The following FCAMR variants were observed in gnomAD, a reference collection of about 807,000 sequenced individuals.
FCAMR encodes high affinity immunoglobulin alpha and immunoglobulin mu Fc receptor.
Under a neutral mutation model 52.2 loss-of-function variants are expected in FCAMR, and 51 were observed. The observed-to-expected ratio is 0.98, with a 90% CI of 0.78 to 1.23. The LOEUF (loss-of-function observed/expected upper bound fraction) is 1.23. Among genes scored for constraint, FCAMR ranks in the 50% most tolerant of loss-of-function variants. The probability of loss-of-function intolerance (pLI) is 0.00; values close to 1 mark genes in which losing one functional copy is unlikely to be tolerated. For synonymous variants in FCAMR, 282 were observed against 262.0 expected, an observed-to-expected ratio of 1.08 and a Z score of -0.74; for missense variants, 719 against 712.6, an observed-to-expected ratio of 1.01 and a Z score of -0.10.
Position 206,970,148 on chromosome 1 carries a change from G to A in FCAMR, c.-23C>T, listed in dbSNP as rs1167598884. 7 of 1,613,728 alleles carry A rather than the reference G, an allele frequency of 4.3e-6. No individual in the cohort carries two copies. The highest frequency in any genetic ancestry group is 3.3e-4 in the Middle Eastern group (2 of 6,058). ...CATCTCAGTCCAGAAACAAGATCCA[G>A]GTGGACTTTTCTTCTCCTTATGAGA... On this transcript the variant is annotated 5_prime_UTR_variant, in exon 1 of 8. Transcript: ENST00000324852.
intron 3 of FCAMR, 83 bp from the exon 4 acceptor site, chr1:206,965,941 A>G: frequency 6.3e-7 from 1 of 1,588,468 alleles, no homozygotes. Context: ...GCAAACAGCC[A>G]GTTCCAAACC....
chr1:206,969,863 A>T lies in FCAMR; in HGVS notation c.39+224T>A, dbSNP rs187276657. Among the ~76,000 whole-genome samples the T allele has an allele frequency of 2.0e-5, 3 of 152,326 alleles. No homozygotes were observed. In the East Asian group the frequency reaches 5.8e-4, roughly 29 times the overall value. ...ACGTTTTTTTGGTTCTAAATTACCC[A>T]GGACTTCTAAGGAACCATGCACTCT... On this transcript the variant is annotated intron_variant, in intron 1 of 7. Coordinates refer to ENST00000324852, the MANE Select transcript of FCAMR (RefSeq NM_001170631.2).
chr1:206,965,626 G>A, intron 4 of FCAMR, 89 bp downstream of exon 4: 1 of 1,420,706 alleles, frequency 7.0e-7, no homozygotes, highest in Non-Finnish European at 9.4e-7. Context: ...GGCTAGGGCT[G>A]CCTATAGCTG....
At chr1:206,963,553 C>T (rs1412432095) in intron 4 of FCAMR, among the ~76,000 whole-genome samples, 2 of 152,180 alleles carry the variant, frequency 1.3e-5, no homozygotes, top group Non-Finnish European at 2.9e-5. Flanking sequence ...CAGTCCAGTC[C>T]AGTGAAAGAT....
chr1:206,962,645 T>A (rs751009262), intron 4 of FCAMR, 94 bp from the exon 5 acceptor site: 15 of 1,088,300 alleles, frequency 1.4e-5, no homozygotes, highest in Non-Finnish European at 1.9e-5. Flanking sequence ...GAATTAGGGG[T>A]CAAGTCAGAA....
chr1:206,963,405 C>G (rs1307693052), intron 4 of FCAMR, among the ~76,000 whole-genome samples: 2 of 152,178 alleles, frequency 1.3e-5, no homozygotes, highest in East Asian at 3.8e-4. Flanking sequence ...CATTCTTTCT[C>G]TCACTGCCTC....
rs1158220904 is a variant in FCAMR, at chr1:206,967,728, G to A, written c.40-77C>T. ...GTTAGTATGCCTCGGTTAGTAACAA[G>A]GAGTTAAAAATTAAATCTCAGACCA... On this transcript the variant is annotated intron_variant, in intron 1 of 7. Transcript: ENST00000324852. The A allele has an allele frequency of 8.0e-6, 11 of 1,380,220 alleles. No homozygotes were observed. In the East Asian group the frequency reaches 2.5e-4, roughly 32 times the overall value. 85.5% of individuals were successfully genotyped at this position (1,380,220 alleles called of 1,614,324 possible). A position where few individuals can be genotyped will look rare whatever the true frequency, so the allele number is the denominator to read the frequency against.
At chr1:206,968,747 G>A (rs1030859743) in intron 1 of FCAMR, among the ~76,000 whole-genome samples, 16 of 152,166 alleles carry the variant, frequency 1.1e-4, no homozygotes, top group African/African-American at 2.9e-4. Context: ...AGAGGTAGGA[G>A]GTGAAAGAAG....
At chr1:206,959,964 C>G in intron 6 of FCAMR, 167 bp from the exon 7 acceptor site, 1 of 607,368 alleles carries the variant, frequency 1.6e-6, no homozygotes, top group Non-Finnish European at 2.9e-6. Context: ...GGGCTAGAAT[C>G]TCTGTCTTCA....
At chr1:206,969,707 A>G (rs1426552873) in intron 1 of FCAMR, among the ~76,000 whole-genome samples, 1 of 152,152 alleles carries the variant, frequency 6.6e-6, no homozygotes, top group African/African-American at 2.4e-5. Context: ...TAGAGGAGAG[A>G]GCACAGAACC....
chr1:206,960,740 G>C lies in FCAMR; in HGVS notation c.1136C>G (p.Pro379Arg), dbSNP rs1680476610. ...GGCCAAAGTTTCTGAGACCAGAGCT[G>C]GTGGCCCAATGGTTCCTAGGACCTT... is the stretch of plus-strand genomic sequence containing the variant. ...AKKVLGTIGPPALVSETLAWE... is the reference protein window; with the variant it reads ...AKKVLGTIGPRALVSETLAWE... The change falls in exon 6 of 8, where the codon CCA (proline) becomes CGA (arginine). Residue 379 changes from proline to arginine, a missense_variant. Transcript: ENST00000324852. The C allele has an allele frequency of 1.3e-6, 2 of 1,552,280 alleles. No individual in the cohort carries two copies. The highest frequency in any genetic ancestry group is 2.0e-5 in the Admixed American group (1 of 50,992).
At chr1:206,964,793 A>G (rs1435013006) in intron 4 of FCAMR, among the ~76,000 whole-genome samples, 1 of 152,122 alleles carries the variant, frequency 6.6e-6, no homozygotes, top group Non-Finnish European at 1.5e-5. Context: ...ATATAATCCT[A>G]TTGCCAGGAA....
At chr1:206,970,005 G>T in intron 1 of FCAMR, 82 bp downstream of exon 1, 1 of 1,552,736 alleles carries the variant, frequency 6.4e-7, no homozygotes, top group Non-Finnish European at 8.9e-7. Flanking sequence ...GCACTGAGGA[G>T]CATGTGTGAC....
At chr1:206,969,318 A>G (rs1231963810) in intron 1 of FCAMR, 2 of 456,272 alleles carry the variant, frequency 4.4e-6, no homozygotes, top group Non-Finnish European at 8.8e-6. Flanking sequence ...CAGGAGTATG[A>G]GATAAAATGT....
intron 3 of FCAMR, among the ~76,000 whole-genome samples, chr1:206,966,392 T>C (rs370261502): frequency 6.6e-6 from 1 of 152,190 alleles, no homozygotes; most frequent in Non-Finnish European, 1.5e-5. Flanking sequence ...TTTTTGTTTT[T>C]GTTTTTGTTT....
In FCAMR at chr1:206,958,613, G is replaced by C; in HGVS notation, c.1637C>G (p.Ala546Gly). Reference sequence around the variant, plus strand: ...TCTTTCCACATGGGGCAGCTGGTCTGCTTGGGGGTTCACTTCCAGAAAATG... The same window carrying C: ...TCTTTCCACATGGGGCAGCTGGTCTCCTTGGGGGTTCACTTCCAGAAAATG... ...MTHFLEVNPQADQLPHVERKM... is the reference protein window; with the variant it reads ...MTHFLEVNPQGDQLPHVERKM... The change falls in exon 8 of 8, where the codon GCA (alanine) becomes GGA (glycine). Residue 546 changes from alanine (A) to glycine (G), a missense_variant. Ala to Gly is a moderately conservative substitution (Grantham distance 60). Transcript: ENST00000324852. 1.2e-6 allele frequency: 2 copies of C among 1,614,002 alleles called. No individual in the cohort carries two copies. Among genetic ancestry groups the C allele is most frequent in the Non-Finnish European group, 1.7e-6 (2 of 1,180,034 alleles).
rs1680679423 is a variant in FCAMR at position 206,965,734 on chromosome 1, C to T, written c.294G>A (p.Arg98=). The T allele has an allele frequency of 6.3e-7, 1 of 1,575,074 alleles. No homozygotes were observed. The highest frequency in any genetic ancestry group is 8.6e-7 in the Non-Finnish European group (1 of 1,165,632). ...TLRPSSPLCW[R]EESSFAAPNS... ...TTGTACCTGCAAAGGAGCTCTCCTC[C>T]CGCCAGCAGAGGGGCGAGGAAGGCC... The change falls in exon 4 of 8, where the codon CGG becomes CGA. Residue 98 remains arginine (R), a synonymous_variant. Coordinates refer to ENST00000324852, the MANE Select transcript of FCAMR (RefSeq NM_001170631.2).
intron 2 of FCAMR, 102 bp downstream of exon 2, chr1:206,967,481 C>G (rs530064086): frequency 1.6e-6 from 2 of 1,287,152 alleles, no homozygotes; most frequent in Non-Finnish European, 2.2e-6. Context: ...GAAGTCCAAA[C>G]TCTAGTTGGA....
At position 206,959,851 on chromosome 1, in the gene FCAMR, G is replaced by T. The variant is rs1018781792; in HGVS notation, c.1455-54C>A. On this transcript the variant is annotated intron_variant, in intron 6 of 7. Coordinates refer to ENST00000324852, the MANE Select transcript of FCAMR (RefSeq NM_001170631.2). ...GAGAGGAGGTTGGAGCTGGGCAGAAGATTAAAGACCATTTACCCACATCCT... is the reference window on the plus strand; with the variant it reads ...GAGAGGAGGTTGGAGCTGGGCAGAATATTAAAGACCATTTACCCACATCCT... 2.9e-6 allele frequency: 4 copies of T among 1,376,562 alleles called. No individual in the cohort carries two copies. The African/African-American group carries it at 4.3e-5, about 15-fold the overall frequency. 85.3% of individuals were successfully genotyped at this position (1,376,562 alleles called of 1,614,324 possible). A position where few individuals can be genotyped will look rare whatever the true frequency, so the allele number is the denominator to read the frequency against.
Sources: allele counts gnomAD v4.1 joint callset (sites outside exome capture counted in the v4.1 genomes callset), GRCh38; gene constraint gnomAD v4.1.1; transcripts MANE v1.5; gene names NCBI Gene and HGNC (gene_info 2026-07-23, HGNC 2026-07-21).